ADARB2: variants seen among roughly 807,000 people sequenced by gnomAD.
ADARB2 encodes the protein adenosine deaminase RNA specific B2 (inactive), also known as inactive double-stranded RNA-specific editase B2.
Under a neutral mutation model 62.2 loss-of-function variants are expected in ADARB2, and 25 were observed. The observed-to-expected ratio is 0.40, with a 90% CI of 0.29 to 0.56. The LOEUF (loss-of-function observed/expected upper bound fraction) is 0.56, where lower values mean the gene tolerates loss of function less well. ADARB2 is among the 20% of genes least tolerant of loss of function. The pLI, the probability that ADARB2 is intolerant of heterozygous loss-of-function variation, is 0.43. For synonymous variants in ADARB2, 572 were observed against 500.8 expected (o/e 1.14, Z -1.90); for missense variants, 1,071 against 1,077.4 (o/e 0.99, Z 0.08).
intron 1 of ADARB2, among the ~76,000 whole-genome samples, chr10:1,413,802 A>C (rs1383825580): frequency 1.3e-5 from 2 of 152,224 alleles, no homozygotes; most frequent in African/African-American, 2.4e-5. Flanking sequence ...AACCCAAATA[A>C]TCTTTAGTAA....
rs191313399 is a variant in ADARB2, at chr10:1,489,523, C to T, written c.101-110363G>A. Among the ~76,000 whole-genome samples, 14 of 152,298 alleles carry T rather than the reference C, an allele frequency of 9.2e-5. No individual in the cohort carries two copies. In the East Asian group the frequency reaches 2.5e-3, roughly 27 times the overall value. On this transcript the variant is annotated intron_variant, in intron 1 of 9. Coordinates refer to ENST00000381312, the MANE Select transcript of ADARB2 (RefSeq NM_018702.4). ...CACTTAATGTGTTGCCCATTAGTAG[C>T]GGATCCGCAAGTCTCGAGCTTTCTG... is the stretch of plus-strand genomic sequence containing the variant.
At chr10:1,667,609 C>T (rs4880908) in intron 1 of ADARB2, among the ~76,000 whole-genome samples, 35,691 of 152,060 alleles carry the variant, frequency 0.23, 4,564 homozygotes, top group Middle Eastern at 0.31. Context: ...GGGGTGTTTA[C>T]CATAATTGGA....
chr10:1,245,812 C>G (rs892518249), intron 4 of ADARB2, among the ~76,000 whole-genome samples: 7 of 151,914 alleles, frequency 4.6e-5, no homozygotes, highest in Non-Finnish European at 8.8e-5. Context: ...GTGCATGTGT[C>G]TTTATAGCAG....
intron 2 of ADARB2, among the ~76,000 whole-genome samples, chr10:1,375,009 T>TGTCCA (rs1342018288): frequency 1.8e-4 from 27 of 151,614 alleles, no homozygotes; most frequent in African/African-American, 6.3e-4. Flanking sequence ...ATTTGTGGAG[T>TGTCCA]GGACACTGGC....
In ADARB2 at chr10:1,314,749, A is replaced by G. The variant is rs189043951; in HGVS notation, c.1078-43680T>C. 4.3e-4 allele frequency among the ~76,000 whole-genome samples: 65 copies of G among 152,142 alleles called. 1 individual carries two copies. Among genetic ancestry groups the G allele is most frequent in the African/African-American group, 1.5e-3 (63 of 41,498 alleles). On this transcript the variant is annotated intron_variant, in intron 3 of 9. Transcript: ENST00000381312. Reference sequence around the variant, plus strand: ...AGCATCTCTGTTAGACACGACCCAAACAGAAGCAACAAAAGTGCTCCCGGA... The same window carrying G: ...AGCATCTCTGTTAGACACGACCCAAGCAGAAGCAACAAAAGTGCTCCCGGA...
At chr10:1,314,334 G>A (rs141321909) in intron 3 of ADARB2, among the ~76,000 whole-genome samples, 328 of 152,112 alleles carry the variant, frequency 2.2e-3, no homozygotes, top group African/African-American at 6.9e-3. Flanking sequence ...TACTTGCCCC[G>A]TCCTCCTAGG....
intron 2 of ADARB2, among the ~76,000 whole-genome samples, chr10:1,377,811 C>A (rs894860208): frequency 6.6e-6 from 1 of 152,178 alleles, no homozygotes; most frequent in African/African-American, 2.4e-5. Flanking sequence ...CATTGACCTT[C>A]GCTCTGGTCC....
intron 1 of ADARB2, among the ~76,000 whole-genome samples, chr10:1,415,840 A>C (rs1474176695): frequency 2.0e-5 from 3 of 152,228 alleles, no homozygotes; most frequent in African/African-American, 7.2e-5. Flanking sequence ...TCTTCCATGC[A>C]GCCCTATTTA....
intron 8 of ADARB2, among the ~76,000 whole-genome samples, chr10:1,196,210 T>C (rs1330989219): frequency 6.8e-6 from 1 of 147,816 alleles, no homozygotes; most frequent in Non-Finnish European, 1.5e-5. Flanking sequence ...TTTTGCCTTT[T>C]TTTTTTTTTT....
At chr10:1,339,323 C>T (rs769223922) in intron 3 of ADARB2, among the ~76,000 whole-genome samples, 13 of 152,216 alleles carry the variant, frequency 8.5e-5, no homozygotes, top group Non-Finnish European at 1.3e-4. Flanking sequence ...TGCATTGACC[C>T]GAAGTCTACG....
chr10:1,408,935 T>C (rs1310727970), intron 1 of ADARB2, among the ~76,000 whole-genome samples: 3 of 152,192 alleles, frequency 2.0e-5, no homozygotes, highest in African/African-American at 7.2e-5. Flanking sequence ...TGGCTGCAGC[T>C]GGGCTGGCCG....
intron 1 of ADARB2, among the ~76,000 whole-genome samples, chr10:1,566,063 CAAAAAA>C (rs376967105): frequency 5.5e-4 from 71 of 128,044 alleles, no homozygotes; most frequent in African/African-American, 1.7e-3. Flanking sequence ...CTCAGTCTAG[CAAAAAA>C]AAAAAAAAAA....
intron 1 of ADARB2, among the ~76,000 whole-genome samples, chr10:1,558,692 A>C (rs1588302357): frequency 1.0e-5 from 1 of 98,124 alleles, no homozygotes; most frequent in Non-Finnish European, 2.1e-5. Context: ...TCCACATCCC[A>C]CCTCTGCCCC....
chr10:1,186,378 G>C (rs535518396), intron 8 of ADARB2: 2 of 445,300 alleles, frequency 4.5e-6, no homozygotes, highest in Admixed American at 2.4e-5. Context: ...ACAGTGAGTC[G>C]GCAGGGAGTC....
At chr10:1,732,720 C>T (rs1436535136) in intron 1 of ADARB2, among the ~76,000 whole-genome samples, 4 of 152,174 alleles carry the variant, frequency 2.6e-5, no homozygotes, top group Admixed American at 6.5e-5. Context: ...AGGGTGACAC[C>T]GGCGGGGACG....
intron 3 of ADARB2, among the ~76,000 whole-genome samples, chr10:1,281,284 A>T (rs1174044104): frequency 6.6e-6 from 1 of 152,192 alleles, no homozygotes; most frequent in Non-Finnish European, 1.5e-5. Flanking sequence ...GGGGGTCCCC[A>T]GGCCTCAGGA....
At chr10:1,296,673 C>T (rs1216664484) in intron 3 of ADARB2, among the ~76,000 whole-genome samples, 2 of 152,126 alleles carry the variant, frequency 1.3e-5, no homozygotes, top group East Asian at 3.8e-4. Flanking sequence ...TCTTTCTATC[C>T]ACAACATATG....
At chr10:1,370,928 T>A (rs1289125987) in intron 2 of ADARB2, among the ~76,000 whole-genome samples, 2 of 152,342 alleles carry the variant, frequency 1.3e-5, no homozygotes, top group Non-Finnish European at 2.9e-5. Context: ...CAACATTATT[T>A]TTCACAGAAT....
rs145153730 is a variant in ADARB2, at chr10:1,310,102, T to G, written c.1078-39033A>C. 4.6e-5 allele frequency among the ~76,000 whole-genome samples: 7 copies of G among 152,344 alleles called. No individual in the cohort carries two copies. In the East Asian group the frequency reaches 1.4e-3, roughly 29 times the overall value. On this transcript the variant is annotated intron_variant, in intron 3 of 9. Transcript: ENST00000381312. ...CTTGATTTCACCAAAGTCTCTATGA[T>G]TTCCTGCTGCTTTGTTTATTAAGTC...
Sources: gnomAD v4.1 joint callset for allele counts (sites outside exome capture counted in the v4.1 genomes callset) on GRCh38, gnomAD v4.1.1 for gene constraint, MANE v1.5 for transcripts, NCBI Gene and HGNC (gene_info 2026-07-23, HGNC 2026-07-21) for gene names.